Variants in RALYL observed in about 807,000 individuals in gnomAD.
RALYL encodes RNA-binding Raly-like protein.
RALYL carries 29 observed loss-of-function variants against 35.1 expected under a neutral mutation model. That is an observed-to-expected ratio of 0.83 (90% CI 0.61 to 1.13). The LOEUF is 1.13. RALYL is among the 50% of genes most tolerant of loss of function. The pLI is 0.00. For synonymous variants in RALYL, 120 were observed against 127.6 expected (o/e 0.94, Z 0.40); for missense variants, 359 against 360.4 (o/e 1.00, Z 0.03).
intron 1 of RALYL, among the ~76,000 whole-genome samples, chr8:84,396,360 A>T (rs1861759331): frequency 1.3e-5 from 2 of 152,128 alleles, no homozygotes; most frequent in African/African-American, 4.8e-5. Flanking sequence ...AAGATCATCA[A>T]ATCTCAGGTC....
chr8:84,727,974 T>C (rs1179243492), intron 2 of RALYL, among the ~76,000 whole-genome samples: 10 of 152,016 alleles, frequency 6.6e-5, no homozygotes, highest in Non-Finnish European at 8.8e-5. Flanking sequence ...TTTATCGTCC[T>C]TTGGGTATAT....
intron 1 of RALYL, among the ~76,000 whole-genome samples, chr8:84,314,481 T>C (rs1317666118): frequency 6.6e-6 from 1 of 151,906 alleles, no homozygotes; most frequent in Non-Finnish European, 1.5e-5. Context: ...ATATGTGTAT[T>C]ATATATATAA....
chr8:84,670,726 C>A (rs1833042676), intron 2 of RALYL, among the ~76,000 whole-genome samples: 1 of 152,080 alleles, frequency 6.6e-6, no homozygotes, highest in African/African-American at 2.4e-5. Context: ...GAAAGCCCAC[C>A]CCCATGATTC....
In RALYL at chr8:84,920,881, T is replaced by C. The variant is rs1340972764; in HGVS notation, c.859-13T>C. 1.5e-6 allele frequency: 2 copies of C among 1,347,300 alleles called. No homozygotes were observed. Among genetic ancestry groups the C allele is most frequent in the Non-Finnish European group, 2.0e-6 (2 of 1,002,888 alleles). The allele number at this position is 1,347,300 out of a possible 1,614,324, so 83.5% of individuals were successfully genotyped here. A position where few individuals can be genotyped will look rare whatever the true frequency, so the allele number is the denominator to read the frequency against. On this transcript the variant is annotated splice_polypyrimidine_tract_variant and intron_variant, in intron 8 of 8. Coordinates refer to ENST00000521268, the MANE Select transcript of RALYL (RefSeq NM_173848.7). ...AAATCTCTGTATTTTAAAATTTTTT[T>C]TTATTTTCTCAGTTTCTACAGATAA...
intron 2 of RALYL, among the ~76,000 whole-genome samples, chr8:84,769,255 A>T (rs1814841301): frequency 6.6e-6 from 1 of 152,060 alleles, no homozygotes; most frequent in African/African-American, 2.4e-5. Flanking sequence ...GCTGTGCCTT[A>T]TTCTAAGTCA....
intron 6 of RALYL, among the ~76,000 whole-genome samples, chr8:84,870,527 A>G (rs1840012869): frequency 6.6e-6 from 1 of 151,840 alleles, no homozygotes; most frequent in East Asian, 1.9e-4. Context: ...AGCAAAAGAT[A>G]TTTTTCCTGT....
chr8:84,323,297 G>T (rs1472539292), intron 1 of RALYL, among the ~76,000 whole-genome samples: 1 of 151,860 alleles, frequency 6.6e-6, no homozygotes, highest in Non-Finnish European at 1.5e-5. Flanking sequence ...TTTATACAAA[G>T]GAATGAAGTA....
intron 2 of RALYL, among the ~76,000 whole-genome samples, chr8:84,624,096 C>T (rs993236326): frequency 6.6e-6 from 1 of 152,152 alleles, no homozygotes; most frequent in African/African-American, 2.4e-5. Flanking sequence ...CCTCTCTGTC[C>T]AGGAATCAGA....
intron 1 of RALYL, among the ~76,000 whole-genome samples, chr8:84,273,983 G>A (rs117332140): frequency 0.019 from 2,895 of 152,160 alleles, 42 homozygotes; most frequent in Non-Finnish European, 0.031. Flanking sequence ...TGTCCACTGC[G>A]TTCTTCTTTT....
intron 3 of RALYL, among the ~76,000 whole-genome samples, chr8:84,778,383 T>C (rs1179949953): frequency 6.6e-6 from 1 of 152,220 alleles, no homozygotes; most frequent in Non-Finnish European, 1.5e-5. Context: ...GGCCTTATTA[T>C]GTGCTAAGTA....
At chr8:84,887,211 T>C (rs1843037630) in intron 7 of RALYL, among the ~76,000 whole-genome samples, 1 of 152,166 alleles carries the variant, frequency 6.6e-6, no homozygotes, top group South Asian at 2.1e-4. Context: ...GTGAAAAAGT[T>C]CTATGTTGTA....
Position 84,732,683 on chromosome 8 carries a change from T to TATATATATATATATATATATATACAC in RALYL, c.257-41895_257-41894insTATATATATATATATATATATACACA. 3.7e-4 allele frequency among the ~76,000 whole-genome samples: 49 copies of TATATATATATATATATATATATACAC among 133,228 alleles called. 1 individual carries two copies. Among genetic ancestry groups the TATATATATATATATATATATATACAC allele is most frequent in the African/African-American group, 1.5e-3 (48 of 32,912 alleles). 87.4% of individuals were successfully genotyped at this position (133,228 alleles called of 152,430 possible). ...TATTAAATAATTATATATATATATA[T>TATATATATATATATATATATATACAC]ACACACACACACACATATATATAAT... On this transcript the variant is annotated intron_variant, in intron 2 of 8. Transcript: ENST00000521268.
intron 1 of RALYL, among the ~76,000 whole-genome samples, chr8:84,514,696 T>A (rs940731652): frequency 6.6e-6 from 1 of 152,148 alleles, no homozygotes; most frequent in Non-Finnish European, 1.5e-5. Context: ...ACATACAAAT[T>A]TTGAAGAGAC....
chr8:84,402,872 A>G (rs1295433635), intron 1 of RALYL, among the ~76,000 whole-genome samples: 1 of 152,108 alleles, frequency 6.6e-6, no homozygotes, highest in Non-Finnish European at 1.5e-5. Context: ...GTGAGATGGT[A>G]TCTCATTGTA....
At chr8:84,635,628 A>G (rs755298371) in intron 2 of RALYL, among the ~76,000 whole-genome samples, 2 of 151,838 alleles carry the variant, frequency 1.3e-5, no homozygotes, top group African/African-American at 2.4e-5. Flanking sequence ...TTTCATATGA[A>G]GTGAAATTAT....
intron 8 of RALYL, among the ~76,000 whole-genome samples, chr8:84,913,083 G>T (rs1353046225): frequency 6.6e-6 from 1 of 151,652 alleles, no homozygotes; most frequent in Non-Finnish European, 1.5e-5. Flanking sequence ...TAGATAGATA[G>T]ATAGATACAC....
chr8:84,909,151 T>C (rs1847075116), intron 8 of RALYL, among the ~76,000 whole-genome samples: 1 of 152,108 alleles, frequency 6.6e-6, no homozygotes, highest in Admixed American at 6.6e-5. Flanking sequence ...TATTGCCTTC[T>C]CAAATGTCCT....
At chr8:84,495,271 T>C (rs1418293177) in intron 1 of RALYL, among the ~76,000 whole-genome samples, 1 of 152,088 alleles carries the variant, frequency 6.6e-6, no homozygotes, top group Non-Finnish European at 1.5e-5. Flanking sequence ...TAGCATATGG[T>C]GCATAGTTTC....
chr8:84,787,431 T>C (rs1465231577), intron 3 of RALYL, among the ~76,000 whole-genome samples: 1 of 152,210 alleles, frequency 6.6e-6, no homozygotes, highest in African/African-American at 2.4e-5. Context: ...CTGAAGGGCA[T>C]TTGGGTTGGT....
Sources: allele counts gnomAD v4.1 joint callset (sites outside exome capture counted in the v4.1 genomes callset), GRCh38; gene constraint gnomAD v4.1.1; transcripts MANE v1.5; gene names NCBI Gene and HGNC (gene_info 2026-07-23, HGNC 2026-07-21).